The following GLRX2 variants were observed in gnomAD, a reference collection of about 807,000 sequenced individuals.
The protein encoded by GLRX2 is bA101E13.1 (GRX2 glutaredoxin (thioltransferase) 2).
In GLRX2, 12 loss-of-function variants were observed where a neutral mutation model predicts 16.4. The observed-to-expected ratio is 0.73, with a 90% confidence interval of 0.47 to 1.19. The LOEUF is 1.19. Among genes scored for constraint, GLRX2 ranks in the 50% most tolerant of loss-of-function variants. The pLI is 0.00. For synonymous variants in GLRX2, 95 were observed against 76.2 expected, an observed-to-expected ratio of 1.25 and a Z score of -1.28; for missense variants, 201 against 201.8, an observed-to-expected ratio of 1.00 and a Z score of 0.02.
chr1:193,098,369 C>T (rs1380441377), intron 2 of GLRX2, among the ~76,000 whole-genome samples: 2 of 151,958 alleles, frequency 1.3e-5, no homozygotes, highest in East Asian at 3.9e-4. Context: ...GGTGAAACTC[C>T]ATCTCTACTA....
At chr1:193,101,119 A>T (rs1426845803) in intron 2 of GLRX2, 22 bp downstream of exon 2, 1 of 1,558,164 alleles carries the variant, frequency 6.4e-7, no homozygotes, top group South Asian at 1.1e-5. Context: ...AAAGTTTTTC[A>T]ATCATCTCCC....
upstream of GLRX2, chr1:193,105,756 A>C: frequency 7.2e-7 from 1 of 1,395,418 alleles, no homozygotes; most frequent in Non-Finnish European, 9.3e-7. Context: ...GAGAAAAAAC[A>C]TGACCATCCA....
intron 1 of GLRX2, among the ~76,000 whole-genome samples, chr1:193,102,729 T>C (rs1025410535): frequency 6.6e-6 from 1 of 152,214 alleles, no homozygotes; most frequent in African/African-American, 2.4e-5. Context: ...ATAATGAACA[T>C]CTGCCCTACA....
chr1:193,097,017 A>C (rs1446413555), intron 3 of GLRX2, among the ~76,000 whole-genome samples: 1 of 152,248 alleles, frequency 6.6e-6, no homozygotes, highest in East Asian at 1.9e-4. Flanking sequence ...AAATCCAAAC[A>C]ATCTGATTCT....
chr1:193,104,345 G>A (rs1675140309), intron 1 of GLRX2, among the ~76,000 whole-genome samples: 2 of 152,150 alleles, frequency 1.3e-5, no homozygotes, highest in South Asian at 4.1e-4. Flanking sequence ...TTTATGGAGC[G>A]CCTACTGTGT....
upstream of GLRX2, chr1:193,105,450 C>G: frequency 6.9e-7 from 1 of 1,447,670 alleles, no homozygotes; most frequent in Non-Finnish European, 9.0e-7. Context: ...CCGCCTCCTC[C>G]GGCCCGGCCC....
chr1:193,105,154 C>T, intron 1 of GLRX2, 110 bp downstream of exon 1: 1 of 1,402,794 alleles, frequency 7.1e-7, no homozygotes, highest in Non-Finnish European at 9.2e-7. Flanking sequence ...CGCTAGTACG[C>T]CTCGCCCACC....
At chr1:193,102,133 A>C (rs962554968) in intron 1 of GLRX2, among the ~76,000 whole-genome samples, 1 of 152,220 alleles carries the variant, frequency 6.6e-6, no homozygotes, top group Non-Finnish European at 1.5e-5. Flanking sequence ...TATCTAAAGA[A>C]TAAGAGAATT....
At chr1:193,102,416 ATCT>A (rs1675098273) in intron 1 of GLRX2, among the ~76,000 whole-genome samples, 1 of 152,140 alleles carries the variant, frequency 6.6e-6, no homozygotes, top group Admixed American at 6.5e-5. Flanking sequence ...CAGTGGCGTG[ATCT>A]TGGCTCACTG....
upstream of GLRX2, chr1:193,105,759 ACCAT>A: frequency 1.4e-6 from 2 of 1,382,172 alleles, no homozygotes; most frequent in Non-Finnish European, 1.9e-6. Context: ...AAAAAACATG[ACCAT>A]CCAAAACAGA....
chr1:193,100,793 C>T (rs1675059578), intron 2 of GLRX2, among the ~76,000 whole-genome samples: 1 of 152,194 alleles, frequency 6.6e-6, no homozygotes, highest in African/African-American at 2.4e-5. Flanking sequence ...TGTTAAACTG[C>T]TTCCCAGGCC....
chr1:193,103,118 AAG>A (rs1422167955), intron 1 of GLRX2, among the ~76,000 whole-genome samples: 42 of 152,276 alleles, frequency 2.8e-4, no homozygotes, highest in African/African-American at 9.6e-4. Context: ...AGGTACGTCA[AAG>A]AGAAGCCCTA....
intron 2 of GLRX2, among the ~76,000 whole-genome samples, chr1:193,098,611 T>G (rs1675006555): frequency 6.6e-6 from 1 of 152,098 alleles, no homozygotes; most frequent in South Asian, 2.1e-4. Context: ...CAGGCTGGAG[T>G]GCAGTGGTGG....
In GLRX2 at chr1:193,105,344, C is replaced by T. The variant is rs1287479635; in HGVS notation, c.39G>A (p.Leu13=). The change falls in exon 1 of 4, where the codon CTG becomes CTA. Residue 13 remains leucine, a synonymous_variant. Transcript: ENST00000367439. ...CTGCCGAGCCGCTCCTGCTCCAAACCAGCCGCGTCCCCGCCAGCGCCGCGC... is the reference window on the plus strand; with the variant it reads ...CTGCCGAGCCGCTCCTGCTCCAAACTAGCCGCGTCCCCGCCAGCGCCGCGC... ...WRRAALAGTR[L]VWSRSGSAGW... is the part of the protein sequence containing the mutation. The T allele has an allele frequency of 6.5e-7, 1 of 1,547,942 alleles. No individual in the cohort carries two copies.
chr1:193,102,502 C>T lies in GLRX2; in HGVS notation c.120-1298G>A, dbSNP rs184656694. ...GAGTCACTGACACTACAGGTATGTA[C>T]CACCACACCTGGCTAATTTTTTGTA... On this transcript the variant is annotated intron_variant, in intron 1 of 3. Coordinates refer to ENST00000367439, the MANE Select transcript of GLRX2 (RefSeq NM_197962.3). Among the ~76,000 whole-genome samples, 304 of 152,232 alleles carry T rather than the reference C, an allele frequency of 2.0e-3. 1 individual carries two copies. Among genetic ancestry groups the T allele is most frequent in the African/African-American group, 6.4e-3 (264 of 41,536 alleles).
intron 1 of GLRX2, among the ~76,000 whole-genome samples, chr1:193,102,351 A>G (rs1675096115): frequency 6.6e-6 from 1 of 152,000 alleles, no homozygotes; most frequent in African/African-American, 2.4e-5. Flanking sequence ...GGATAGCATG[A>G]AATATTAGTC....
At chr1:193,101,793 A>G (rs755807732) in intron 1 of GLRX2, among the ~76,000 whole-genome samples, 9 of 152,186 alleles carry the variant, frequency 5.9e-5, no homozygotes, top group Non-Finnish European at 1.2e-4. Flanking sequence ...AATGTTTAAC[A>G]TTACTACTAT....
intron 1 of GLRX2, among the ~76,000 whole-genome samples, chr1:193,101,880 A>G (rs1164208463): frequency 1.3e-5 from 2 of 152,118 alleles, no homozygotes; most frequent in African/African-American, 4.8e-5. Flanking sequence ...TTGTAAAAGG[A>G]AGCATTCATT....
intron 1 of GLRX2, among the ~76,000 whole-genome samples, chr1:193,103,658 C>T (rs1675124487): frequency 6.6e-6 from 1 of 152,026 alleles, no homozygotes; most frequent in Admixed American, 6.5e-5. Context: ...ATCAGCTCAC[C>T]TAGAGTGAGG....
Sources: gnomAD v4.1 joint callset for allele counts (sites outside exome capture counted in the v4.1 genomes callset) on GRCh38, gnomAD v4.1.1 for gene constraint, MANE v1.5 for transcripts, NCBI Gene and HGNC (gene_info 2026-07-23, HGNC 2026-07-21) for gene names.